Variants in CUL9 observed in about 807,000 individuals in gnomAD.
CUL9 encodes the protein cullin 9.
In CUL9, 79 loss-of-function variants were observed where a neutral mutation model predicts 272.6. That is an observed-to-expected ratio of 0.29 (90% CI 0.24 to 0.35). The LOEUF (loss-of-function observed/expected upper bound fraction) is 0.35. CUL9 is among the 10% of genes least tolerant of loss of function. CUL9 has a pLI of 1.00. For missense variants in CUL9, 2,532 were observed against 3,255.6 expected, an observed-to-expected ratio of 0.78 and a Z score of 5.41; for synonymous variants, 1,186 against 1,286.5, an observed-to-expected ratio of 0.92 and a Z score of 1.67.
In CUL9 at chr6:43,204,970, A is replaced by G. The variant is rs1774933128; in HGVS notation, c.4487A>G (p.Asp1496Gly). ...RFLAAAWRAP[D>G]FVPRYCKLYE... The stretch of plus-strand genomic sequence containing the variant: ...CTGGCTGCAGCTTGGAGGGCCCCAG[A>G]CTTTGTGCCTCGTTACTGTAAACTC... The change falls in exon 23 of 41, where the codon GAC (aspartate) becomes GGC (glycine). Residue 1496 changes from aspartate to glycine, a missense_variant. Physicochemically the swap from Asp to Gly is moderately conservative, Grantham distance 94. Coordinates refer to ENST00000252050, the MANE Select transcript of CUL9 (RefSeq NM_015089.4). 1.9e-6 allele frequency: 3 copies of G among 1,611,490 alleles called. No individual in the cohort carries two copies. Among genetic ancestry groups the G allele is most frequent in the Non-Finnish European group, 2.5e-6 (3 of 1,178,470 alleles).
rs745960644 is a variant in CUL9, at chr6:43,188,101, T to G, written c.1970T>G (p.Met657Arg). 147 of 1,613,396 alleles carry G rather than the reference T, an allele frequency of 9.1e-5. No homozygotes were observed. The highest frequency in any genetic ancestry group is 1.2e-4 in the Non-Finnish European group (140 of 1,179,970). The change falls in exon 7 of 41, where the codon ATG (methionine) becomes AGG (arginine). Residue 657 changes from methionine to arginine, a missense_variant. Coordinates refer to ENST00000252050, the MANE Select transcript of CUL9 (RefSeq NM_015089.4). ...VTEGMTLPTE[M>R]KEAASEMARA... Reference sequence around the variant, plus strand: ...GAGGGGATGACCCTGCCCACTGAGATGAAGGAGGCAGCCAGTGGTGAGTCA... The same window carrying G: ...GAGGGGATGACCCTGCCCACTGAGAGGAAGGAGGCAGCCAGTGGTGAGTCA...
intron 26 of CUL9, among the ~76,000 whole-genome samples, chr6:43,211,464 A>G (rs1313393165): frequency 6.6e-6 from 1 of 152,170 alleles, no homozygotes; most frequent in Non-Finnish European, 1.5e-5. Flanking sequence ...AGGCTGAGGC[A>G]GGAGAATTGC....
chr6:43,189,250 C>T (rs1562017200), intron 8 of CUL9, among the ~76,000 whole-genome samples: 2 of 151,460 alleles, frequency 1.3e-5, no homozygotes, highest in South Asian at 2.1e-4. Flanking sequence ...AGTGCAGTGG[C>T]GCGATCTCGG....
chr6:43,188,131 C>G lies in CUL9; in HGVS notation c.1987+13C>G. ...GAGGCAGCCAGTGGTGAGTCAGGTT[C>G]TGGGAGGAAGCAATTGGAACAAGTC... On this transcript the variant is annotated intron_variant, in intron 7 of 40. Transcript: ENST00000252050. 1 of 1,613,090 alleles carries G rather than the reference C, an allele frequency of 6.2e-7. No homozygotes were observed. Among genetic ancestry groups the G allele is most frequent in the Non-Finnish European group, 8.5e-7 (1 of 1,179,954 alleles).
In CUL9 at chr6:43,223,457, T is replaced by C; in HGVS notation, c.7284+60T>C. ...TTCTGCGGGAGTTGAGGTCCTCCTGTCCCAGCACAGCCCCTGCCCTGGGGC... is the reference window on the plus strand; with the variant it reads ...TTCTGCGGGAGTTGAGGTCCTCCTGCCCCAGCACAGCCCCTGCCCTGGGGC... On this transcript the variant is annotated intron_variant, in intron 39 of 40. Coordinates refer to ENST00000252050, the MANE Select transcript of CUL9 (RefSeq NM_015089.4). This position sits in a 1 kb window ranked among gnomAD's most constrained non-coding sequence, Gnocchi z 4.1. 1 of 1,528,846 alleles carries C rather than the reference T, an allele frequency of 6.5e-7. No individual in the cohort carries two copies. The highest frequency in any genetic ancestry group is 1.2e-5 in the South Asian group (1 of 82,160). The allele number at this position is 1,528,846 out of a possible 1,614,324, so 94.7% of individuals were successfully genotyped here. A position where few individuals can be genotyped will look rare whatever the true frequency, so the allele number is the denominator to read the frequency against.
At chr6:43,202,286 A>G (rs1334214329) in intron 16 of CUL9, among the ~76,000 whole-genome samples, 1 of 152,188 alleles carries the variant, frequency 6.6e-6, no homozygotes, top group Non-Finnish European at 1.5e-5. Context: ...CATGACATGG[A>G]AATACCTGTT....
Position 43,198,868 on chromosome 6 carries a change from T to C in CUL9, c.3050+13T>C. Reference sequence around the variant, plus strand: ...TGTCTGTGCTGAGGTGAGGGGCCTGTTGAGGCACCATGCATTGGGACGAGG... The same window carrying C: ...TGTCTGTGCTGAGGTGAGGGGCCTGCTGAGGCACCATGCATTGGGACGAGG... On this transcript the variant is annotated intron_variant, in intron 12 of 40. Transcript: ENST00000252050. 1 of 1,609,118 alleles carries C rather than the reference T, an allele frequency of 6.2e-7. No individual in the cohort carries two copies. The highest frequency in any genetic ancestry group is 8.5e-7 in the Non-Finnish European group (1 of 1,177,120).
rs763757783 is a variant in CUL9, at chr6:43,216,358, C to G, written c.6137C>G (p.Pro2046Arg). The change falls in exon 31 of 41, where the codon CCT (proline) becomes CGT (arginine). Residue 2046 changes from proline to arginine, a missense_variant. Around this residue, in one of 3 missense-constraint regions of CUL9, gnomAD observed 2,218 missense variants for 2,788.6 expected, o/e 0.80. Coordinates refer to ENST00000252050, the MANE Select transcript of CUL9 (RefSeq NM_015089.4). Reference sequence around the variant, plus strand: ...CTGCTGCAGAGCTACAGTGAGGACCCTGAGCCACTGCTGCTGGCAGCTGGG... The same window carrying G: ...CTGCTGCAGAGCTACAGTGAGGACCGTGAGCCACTGCTGCTGGCAGCTGGG... ...EQLLQSYSEDPEPLLLAAGLC... is the reference protein window; with the variant it reads ...EQLLQSYSEDREPLLLAAGLC... 56 of 1,614,058 alleles carry G rather than the reference C, an allele frequency of 3.5e-5. No individual in the cohort carries two copies. The highest frequency in any genetic ancestry group is 3.3e-4 in the Admixed American group (20 of 60,004).
intron 1 of CUL9, among the ~76,000 whole-genome samples, 192 bp downstream of exon 1, chr6:43,182,441 G>C (rs1191735392): frequency 6.7e-6 from 1 of 148,602 alleles, no homozygotes; most frequent in African/African-American, 2.5e-5. Flanking sequence ...TCCCTCTGCG[G>C]TGCTGGCCTC....
Position 43,184,643 on chromosome 6 carries a change from A to G in CUL9, c.333A>G (p.Ala111=). 1.9e-6 allele frequency: 3 copies of G among 1,611,676 alleles called. No individual in the cohort carries two copies. Among genetic ancestry groups the G allele is most frequent in the Non-Finnish European group, 2.5e-6 (3 of 1,177,976 alleles). ...PRDPGGLDEV[A]MGEMEADVQA... ...ATCCAGGAGGCCTGGATGAAGTGGC[A>G]ATGGGAGAGATGGAGGCTGATGTTC... The change falls in exon 2 of 41, where the codon GCA becomes GCG. Residue 111 remains alanine (A), a synonymous_variant. Transcript: ENST00000252050. This position sits in a 1 kb window ranked among gnomAD's most constrained non-coding sequence, Gnocchi z 4.8.
rs755540883 is a variant in CUL9 at position 43,200,862 on chromosome 6, G to T, written c.3647+28G>T. On this transcript the variant is annotated intron_variant, in intron 16 of 40. Coordinates refer to ENST00000252050, the MANE Select transcript of CUL9 (RefSeq NM_015089.4). This position sits in a 1 kb window ranked among gnomAD's most constrained non-coding sequence, Gnocchi z 4.0. ...GTGAACACACATATATGAATGTTCT[G>T]CTGTGCCCCAGGATACTTCCCCAAA... 37 of 1,612,324 alleles carry T rather than the reference G, an allele frequency of 2.3e-5. No homozygotes were observed. The Middle Eastern group carries it at 9.9e-4, about 43-fold the overall frequency.
rs1776543211 is a variant in CUL9, at chr6:43,223,442, G to A, written c.7284+45G>A. ...CCTTCTGCTCCTGCATTCTGCGGGA[G>A]TTGAGGTCCTCCTGTCCCAGCACAG... On this transcript the variant is annotated intron_variant, in intron 39 of 40. Transcript: ENST00000252050. The surrounding 1 kb of genome is among the most constrained non-coding windows in gnomAD (Gnocchi z 4.1). The A allele has an allele frequency of 1.3e-6, 2 of 1,547,868 alleles. No homozygotes were observed. The highest frequency in any genetic ancestry group is 1.2e-5 in the South Asian group (1 of 84,534).
Position 43,213,558 on chromosome 6 carries a change from C to A in CUL9, c.5479C>A (p.Pro1827Thr). The A allele has an allele frequency of 6.2e-7, 1 of 1,610,562 alleles. No individual in the cohort carries two copies. Among genetic ancestry groups the A allele is most frequent in the Non-Finnish European group, 8.5e-7 (1 of 1,178,842 alleles). ...GACCCTGCATGAGGGCCAGGACTTTCCACACGGGGGTAGGTCATTGGGGGC... is the reference window on the plus strand; with the variant it reads ...GACCCTGCATGAGGGCCAGGACTTTACACACGGGGGTAGGTCATTGGGGGC... ...PLTLHEGQDF[P>T]HGGVLRLHEP... Residue 1827 changes from proline to threonine, a missense_variant, in exon 28 of 41, where the codon CCA (proline) becomes ACA (threonine). Transcript: ENST00000252050. The surrounding 1 kb of genome is among the most constrained non-coding windows in gnomAD (Gnocchi z 5.7).
chr6:43,193,110 TGGC>T lies in CUL9; in HGVS notation c.2294_2296del (p.Arg765del). The T allele has an allele frequency of 1.9e-6, 3 of 1,614,008 alleles. No individual in the cohort carries two copies. Among genetic ancestry groups the T allele is most frequent in the Non-Finnish European group, 2.5e-6 (3 of 1,179,978 alleles). On this transcript the variant is annotated inframe_deletion, in exon 9 of 41. Transcript: ENST00000252050. ...TTACCTGCTCATGACCAAGCACGAGTGGCGGCCGCTCTTTGCCAGGGAGGGTGG... is the reference window on the plus strand; with the variant it reads ...TTACCTGCTCATGACCAAGCACGAGTGGCCGCTCTTTGCCAGGGAGGGTGG...
At position 43,196,069 on chromosome 6, in the gene CUL9, G is replaced by A. The variant is rs754676681; in HGVS notation, c.2389G>A (p.Ala797Thr). 2 of 1,610,626 alleles carry A rather than the reference G, an allele frequency of 1.2e-6. No individual in the cohort carries two copies. Among genetic ancestry groups the A allele is most frequent in the Admixed American group, 3.3e-5 (2 of 59,870 alleles). Residue 797 changes from alanine to threonine, a missense_variant and splice_region_variant, in exon 10 of 41, where the codon GCA (alanine) becomes ACA (threonine). Physicochemically the swap from Ala to Thr is moderately conservative, Grantham distance 58. This residue lies in a region of CUL9 where 2,218 missense variants were observed against 2,788.6 expected (regional missense o/e 0.80). Coordinates refer to ENST00000252050, the MANE Select transcript of CUL9 (RefSeq NM_015089.4). ...SVLVQQAGLA[A>T]LKMLAVASSS... is the part of the protein sequence containing the mutation. The stretch of plus-strand genomic sequence containing the variant: ...CTCTGCTTTCACATCCCCCTCACAG[G>A]CACTGAAGATGCTGGCCGTCGCCAG...
In CUL9 at chr6:43,224,461, A is replaced by C; in HGVS notation, c.*16A>C. The C allele has an allele frequency of 1.2e-6, 2 of 1,609,692 alleles. No individual in the cohort carries two copies. Among genetic ancestry groups the C allele is most frequent in the Non-Finnish European group, 8.5e-7 (1 of 1,177,960 alleles). On this transcript the variant is annotated 3_prime_UTR_variant, in exon 41 of 41. Coordinates refer to ENST00000252050, the MANE Select transcript of CUL9 (RefSeq NM_015089.4). The surrounding 1 kb of genome is among the most constrained non-coding windows in gnomAD (Gnocchi z 4.2). ...CTATGACTGAGGGGGCAGATGCAGG[A>C]AACACCTAGAGCAGCCCCAGAGTCA...
intron 30 of CUL9, among the ~76,000 whole-genome samples, chr6:43,215,924 A>T (rs959035116): frequency 6.6e-6 from 1 of 152,026 alleles, no homozygotes; most frequent in Non-Finnish European, 1.5e-5. Flanking sequence ...TAGCACCCTG[A>T]CCCCTAGATA....
Position 43,224,009 on chromosome 6 carries a change from C to A in CUL9, c.7285-86C>A. 1 of 1,344,988 alleles carries A rather than the reference C, an allele frequency of 7.4e-7. No individual in the cohort carries two copies. Among genetic ancestry groups the A allele is most frequent in the Non-Finnish European group, 1.1e-6 (1 of 936,340 alleles). 83.3% of individuals were successfully genotyped at this position (1,344,988 alleles called of 1,614,324 possible). ...GAGCAGTCCTAGCAGGAGCTTGGCC[C>A]TCCCAGAGCATCAGTGGAAGGAATG... On this transcript the variant is annotated intron_variant, in intron 39 of 40. Coordinates refer to ENST00000252050, the MANE Select transcript of CUL9 (RefSeq NM_015089.4). The surrounding 1 kb of genome is among the most constrained non-coding windows in gnomAD (Gnocchi z 4.2).
chr6:43,219,759 T>C (rs1226200938), intron 31 of CUL9, among the ~76,000 whole-genome samples: 1 of 152,142 alleles, frequency 6.6e-6, no homozygotes, highest in East Asian at 1.9e-4. Context: ...TGCTCGTGCA[T>C]AGACCAAATG....
Sources: gnomAD v4.1 joint callset for allele counts (sites outside exome capture counted in the v4.1 genomes callset) on GRCh38, gnomAD v4.1.1 for gene constraint, gnomAD v4.1.1 regional missense constraint, Gnocchi (gnomAD v3.1) non-coding constraint, MANE v1.5 for transcripts, NCBI Gene and HGNC (gene_info 2026-07-23, HGNC 2026-07-21) for gene names.